FBXW12: variants seen among roughly 807,000 people sequenced by gnomAD.
The protein encoded by FBXW12 is F-box/WD repeat-containing protein 12.
A neutral mutation model predicts 55.3 loss-of-function variants in FBXW12; 43 were observed. That is an observed-to-expected ratio of 0.78 (90% CI 0.61 to 1.00). The LOEUF (loss-of-function observed/expected upper bound fraction) is 1.00. Among genes scored for constraint, FBXW12 ranks in the 50% least tolerant of loss-of-function variants. FBXW12 has a pLI of 0.00. For synonymous variants in FBXW12, 184 were observed against 203.8 expected (o/e 0.90, Z 0.83); for missense variants, 524 against 560.5 (o/e 0.93, Z 0.66).
intron 4 of FBXW12, among the ~76,000 whole-genome samples, chr3:48,374,657 G>A (rs1484085807): frequency 6.6e-6 from 1 of 151,594 alleles, no homozygotes; most frequent in Non-Finnish European, 1.5e-5. Flanking sequence ...GTAGAGATTA[G>A]GTCTCACTTT....
chr3:48,381,588 G>A, intron 8 of FBXW12, 112 bp from the exon 9 acceptor site: 5 of 1,206,284 alleles, frequency 4.1e-6, no homozygotes, highest in Non-Finnish European at 4.4e-6. Flanking sequence ...TGAAGTCTGT[G>A]GAAGTGGGGA....
chr3:48,388,948 A>C (rs1434498993), intron 10 of FBXW12, among the ~76,000 whole-genome samples: 1 of 152,204 alleles, frequency 6.6e-6, no homozygotes, highest in South Asian at 2.1e-4. Context: ...GCTCACCAGA[A>C]TTTATTCCTC....
At position 48,391,353 on chromosome 3, in the gene FBXW12, C is replaced by CAT. The variant is rs1247795372; in HGVS notation, c.1296-3206_1296-3205insTA. Reference sequence around the variant, plus strand: ...ACACACACACACACACACACACACACACATATATATATAAAATCAATCATA... The same window carrying CAT: ...ACACACACACACACACACACACACACATACATATATATATAAAATCAATCATA... On this transcript the variant is annotated intron_variant, in intron 10 of 10. Coordinates refer to ENST00000296438, the MANE Select transcript of FBXW12 (RefSeq NM_207102.2). Among the ~76,000 whole-genome samples the CAT allele has an allele frequency of 3.4e-3, 450 of 133,822 alleles. 4 individuals are homozygous for CAT. The highest frequency in any genetic ancestry group is 9.0e-3 in the African/African-American group (325 of 36,210). The allele number at this position is 133,822 out of a possible 152,430, so 87.8% of individuals were successfully genotyped here.
At chr3:48,390,406 CTTTTTTTTTTTTTTT>C (rs71625870) in intron 10 of FBXW12, among the ~76,000 whole-genome samples, 2 of 57,940 alleles carry the variant, frequency 3.5e-5, no homozygotes, top group South Asian at 9.6e-4. Context: ...AGGATTTCCT[CTTTTTTTTTTTTTTT>C]TTTTTTTTTT....
chr3:48,373,480 T>C (rs2036633308), intron 3 of FBXW12, 68 bp from the exon 4 acceptor site: 1 of 1,603,386 alleles, frequency 6.2e-7, no homozygotes, highest in Non-Finnish European at 8.5e-7. Context: ...GGGGTTGTGA[T>C]ATAACCGGGG....
At chr3:48,382,194 G>GT in intron 10 of FBXW12, 109 bp downstream of exon 10, 1 of 1,230,032 alleles carries the variant, frequency 8.1e-7, no homozygotes, top group East Asian at 2.5e-5. Flanking sequence ...TCAACTCACT[G>GT]CAACCTCCGA....
At chr3:48,390,464 G>A (rs2106654740) in intron 10 of FBXW12, among the ~76,000 whole-genome samples, 1 of 139,604 alleles carries the variant, frequency 7.2e-6, no homozygotes, top group East Asian at 2.1e-4. Context: ...GCCCAGGCTG[G>A]AGTGCAGTGG....
At chr3:48,381,109 A>G (rs564010229) in intron 8 of FBXW12, among the ~76,000 whole-genome samples, 197 bp downstream of exon 8, 238 of 144,232 alleles carry the variant, frequency 1.7e-3, no homozygotes, top group Non-Finnish European at 2.7e-3. Flanking sequence ...TGCAAGCTCC[A>G]CCTCCTGGGT....
chr3:48,390,995 C>G (rs1193169626), intron 10 of FBXW12, among the ~76,000 whole-genome samples: 1 of 149,644 alleles, frequency 6.7e-6, no homozygotes, highest in African/African-American at 2.5e-5. Context: ...TGTCTTGGAG[C>G]ATAGTGGCTC....
intron 4 of FBXW12, 93 bp downstream of exon 4, chr3:48,373,798 T>C (rs1485917812): frequency 3.3e-6 from 4 of 1,208,628 alleles, no homozygotes; most frequent in East Asian, 2.4e-5. Flanking sequence ...TGTATTCTCA[T>C]TCAGTAAAGG....
intron 10 of FBXW12, among the ~76,000 whole-genome samples, chr3:48,387,455 C>T (rs1283319943): frequency 1.4e-5 from 2 of 146,228 alleles, no homozygotes; most frequent in Non-Finnish European, 1.5e-5. Context: ...TTTTTTTTAA[C>T]AACCTCTATT....
At chr3:48,375,562 C>T (rs182964773) in intron 5 of FBXW12, 90 bp downstream of exon 5, 362 of 749,768 alleles carry the variant, frequency 4.8e-4, no homozygotes, top group Non-Finnish European at 6.6e-4. Flanking sequence ...GGAAAATATT[C>T]GGAAGTGGTA....
chr3:48,374,407 A>G (rs1328437943), intron 4 of FBXW12, among the ~76,000 whole-genome samples: 1 of 149,912 alleles, frequency 6.7e-6, no homozygotes, highest in Non-Finnish European at 1.5e-5. Context: ...GGCTCACTGC[A>G]GCCTCTGTCT....
chr3:48,384,435 A>T (rs545113494), intron 10 of FBXW12, among the ~76,000 whole-genome samples: 1 of 152,270 alleles, frequency 6.6e-6, no homozygotes, highest in East Asian at 1.9e-4. Context: ...TTATTCATAG[A>T]TTGGTAGATA....
In FBXW12 at chr3:48,373,573, T is replaced by G. The variant is rs751963265; in HGVS notation, c.154T>G (p.Cys52Gly). ...GTCACTATCTCTGCAGAGATGGGAC[T>G]GCAGCAACTTCACCAATCAACACCT... is the stretch of plus-strand genomic sequence containing the variant. Reference protein sequence around the residue: ...WRSLSLQRWDCSNFTNQHLGT... With the variant: ...WRSLSLQRWDGSNFTNQHLGT... Residue 52 changes from cysteine (C) to glycine (G), a missense_variant, in exon 4 of 11, where the codon TGC (cysteine) becomes GGC (glycine). Physicochemically the swap from Cys to Gly is radical, Grantham distance 159. Transcript: ENST00000296438. 6.2e-7 allele frequency: 1 copy of G among 1,614,148 alleles called. No individual in the cohort carries two copies.
At chr3:48,381,426 G>A (rs1318789977) in intron 8 of FBXW12, among the ~76,000 whole-genome samples, 2 of 152,062 alleles carry the variant, frequency 1.3e-5, no homozygotes, top group Non-Finnish European at 2.9e-5. Flanking sequence ...AACACATATA[G>A]ATTTCCATCA....
chr3:48,387,185 A>G (rs2036858696), intron 10 of FBXW12, among the ~76,000 whole-genome samples: 1 of 152,144 alleles, frequency 6.6e-6, no homozygotes, highest in Non-Finnish European at 1.5e-5. Flanking sequence ...TATCTATTTT[A>G]TGATGGGTGA....
At position 48,394,639 on chromosome 3, in the gene FBXW12, A is replaced by C; in HGVS notation, c.1375A>C (p.Met459Leu). 1 of 1,594,560 alleles carries C rather than the reference A, an allele frequency of 6.3e-7. No homozygotes were observed. Among genetic ancestry groups the C allele is most frequent in the Admixed American group, 1.7e-5 (1 of 58,172 alleles). The change falls in exon 11 of 11, where the codon ATG becomes CTG. Residue 459 changes from methionine (M) to leucine (L), a missense_variant. Physicochemically the swap from Met to Leu is conservative, Grantham distance 15 (BLOSUM62 2). Transcript: ENST00000296438. Reference sequence around the variant, plus strand: ...AGTAAGTGACTCCAGCATTCTGGTGATGTATTCTTTGAATACGTAATATGG... The same window carrying C: ...AGTAAGTGACTCCAGCATTCTGGTGCTGTATTCTTTGAATACGTAATATGG... The part of the protein sequence containing the change: ...RKVSDSSILV[M>L]YSLNT
chr3:48,375,569 G>A, intron 5 of FBXW12, 97 bp downstream of exon 5: 1 of 720,582 alleles, frequency 1.4e-6, no homozygotes, highest in East Asian at 2.9e-5. Flanking sequence ...ATTCGGAAGT[G>A]GTAACAAAAA....
Sources: gnomAD v4.1 joint callset for allele counts (sites outside exome capture counted in the v4.1 genomes callset) on GRCh38, gnomAD v4.1.1 for gene constraint, MANE v1.5 for transcripts, NCBI Gene and HGNC (gene_info 2026-07-23, HGNC 2026-07-21) for gene names.